LPAR3: variants seen among roughly 807,000 people sequenced by gnomAD.
LPAR3 encodes lysophosphatidic acid receptor 3, also known as LPA receptor 3.
Under a neutral mutation model 17.8 loss-of-function variants are expected in LPAR3, and 7 were observed. That is an observed-to-expected ratio of 0.39 (90% CI 0.22 to 0.74). The LOEUF (loss-of-function observed/expected upper bound fraction) is 0.74. Among genes scored for constraint, LPAR3 ranks in the 30% least tolerant of loss-of-function variants. The probability of loss-of-function intolerance (pLI) is 0.40; values close to 1 mark genes in which losing one functional copy is unlikely to be tolerated. For missense variants in LPAR3, 391 were observed against 453.4 expected, an observed-to-expected ratio of 0.86 and a Z score of 1.25; for synonymous variants, 179 against 179.9, an observed-to-expected ratio of 0.99 and a Z score of 0.04.
chr1:84,836,006 CTTTTTTT>C (rs34491570), intron 2 of LPAR3, among the ~76,000 whole-genome samples: 4 of 61,760 alleles, frequency 6.5e-5, no homozygotes, highest in East Asian at 1.1e-3. Context: ...CAACCCCGGC[CTTTTTTT>C]TTTTTTTTTT....
chr1:84,832,460 C>G (rs771421769), intron 2 of LPAR3, among the ~76,000 whole-genome samples: 1 of 151,996 alleles, frequency 6.6e-6, no homozygotes, highest in Non-Finnish European at 1.5e-5. Flanking sequence ...ATGGAATAGG[C>G]GAATGAGTCA....
intron 1 of LPAR3, among the ~76,000 whole-genome samples, chr1:84,879,278 A>C (rs1660316454): frequency 1.3e-5 from 2 of 148,880 alleles, no homozygotes; most frequent in Admixed American, 6.7e-5. Context: ...CAGACTGCTA[A>C]ATCACATTTT....
chr1:84,893,205 G>A lies in LPAR3; in HGVS notation c.-208C>T, dbSNP rs1486911430. The A allele has an allele frequency of 6.6e-6, 1 of 152,174 alleles. No individual in the cohort carries two copies. Among genetic ancestry groups the A allele is most frequent in the African/African-American group, 2.4e-5 (1 of 41,460 alleles). 9.4% of individuals were successfully genotyped at this position (152,174 alleles called of 1,614,324 possible). A position where few individuals can be genotyped will look rare whatever the true frequency, so the allele number is the denominator to read the frequency against. ...CCCCTGCGACGCGTCCAGAGCCAAA[G>A]GAAAGTTTGGCGGTGCGAGGGAGGG... On this transcript the variant is annotated 5_prime_UTR_variant, in exon 1 of 3. Transcript: ENST00000370611.
intron 2 of LPAR3, among the ~76,000 whole-genome samples, chr1:84,828,258 G>A (rs575399210): frequency 2.0e-5 from 3 of 152,096 alleles, no homozygotes; most frequent in African/African-American, 7.2e-5. Context: ...ACTGCATTTT[G>A]CTTTTTTATG....
intron 2 of LPAR3, among the ~76,000 whole-genome samples, chr1:84,861,925 C>A (rs1259518171): frequency 6.6e-6 from 1 of 152,118 alleles, no homozygotes; most frequent in Non-Finnish European, 1.5e-5. Flanking sequence ...TTCTTTTAAC[C>A]CCTTCCGTAA....
intron 1 of LPAR3, among the ~76,000 whole-genome samples, chr1:84,873,758 GTT>G (rs5775802): frequency 7.1e-6 from 1 of 141,454 alleles, no homozygotes. Flanking sequence ...TTGCTTGTTT[GTT>G]TTTTTTTTTT....
intron 2 of LPAR3, among the ~76,000 whole-genome samples, chr1:84,827,314 G>C (rs1659178040): frequency 6.6e-6 from 1 of 152,138 alleles, no homozygotes; most frequent in African/African-American, 2.4e-5. Flanking sequence ...ACTCTGGCTG[G>C]TCCCCATTGG....
intron 1 of LPAR3, among the ~76,000 whole-genome samples, chr1:84,869,184 T>C (rs61673198): frequency 0.018 from 2,804 of 152,318 alleles, 90 homozygotes; most frequent in African/African-American, 0.065. Flanking sequence ...TTTTTAATTA[T>C]ATCAAGCACT....
In LPAR3 at chr1:84,865,617, A is replaced by G; in HGVS notation, c.504T>C (p.Asn168=). 1 of 1,614,198 alleles carries G rather than the reference A, an allele frequency of 6.2e-7. No individual in the cohort carries two copies. Among genetic ancestry groups the G allele is most frequent in the Non-Finnish European group, 8.5e-7 (1 of 1,180,028 alleles). The change falls in exon 2 of 3, where the codon AAT becomes AAC. Residue 168 remains asparagine (N), a synonymous_variant. Coordinates refer to ENST00000370611, the MANE Select transcript of LPAR3 (RefSeq NM_012152.3). ...AGCAGGCAGAGATGTTGCAGAGGCA[A>G]TTCCAGCCCAGTGTGGGGACCGCCC... ...FMGAVPTLGW[N]CLCNISACSS... is the part of the protein sequence containing the mutation.
intron 2 of LPAR3, among the ~76,000 whole-genome samples, chr1:84,833,419 A>G (rs973302483): frequency 3.9e-5 from 6 of 152,334 alleles, no homozygotes; most frequent in Admixed American, 3.9e-4. Context: ...TCTGTAAAAC[A>G]GAGACAATAA....
At chr1:84,824,291 T>C (rs539519675) in intron 2 of LPAR3, among the ~76,000 whole-genome samples, 16 of 152,204 alleles carry the variant, frequency 1.1e-4, no homozygotes, top group Non-Finnish European at 1.9e-4. Flanking sequence ...CTGGAAGAAC[T>C]ATAGCATGGT....
chr1:84,814,981 G>C (rs1021411606), intron 2 of LPAR3, among the ~76,000 whole-genome samples: 1 of 152,056 alleles, frequency 6.6e-6, no homozygotes, highest in East Asian at 1.9e-4. Context: ...TTAAGACATG[G>C]GTCCACTATT....
At chr1:84,832,315 C>T (rs1029429699) in intron 2 of LPAR3, among the ~76,000 whole-genome samples, 1 of 152,182 alleles carries the variant, frequency 6.6e-6, no homozygotes, top group African/African-American at 2.4e-5. Flanking sequence ...TTATGAATCT[C>T]TGTAATAAGT....
At chr1:84,852,136 T>C (rs1489728220) in intron 2 of LPAR3, among the ~76,000 whole-genome samples, 1 of 151,436 alleles carries the variant, frequency 6.6e-6, no homozygotes, top group Non-Finnish European at 1.5e-5. Context: ...CTGCAACTTC[T>C]GCCTCCTGGG....
chr1:84,882,807 T>TA (rs565608791), intron 1 of LPAR3, among the ~76,000 whole-genome samples: 44 of 152,214 alleles, frequency 2.9e-4, no homozygotes, highest in Non-Finnish European at 8.8e-5. Flanking sequence ...CCCTAGAACT[T>TA]AAAGTATAAT....
At chr1:84,819,144 T>C (rs1353704290) in intron 2 of LPAR3, among the ~76,000 whole-genome samples, 2 of 152,238 alleles carry the variant, frequency 1.3e-5, no homozygotes, top group South Asian at 2.1e-4. Flanking sequence ...TTTGGAATTA[T>C]ACAATTTCAT....
At chr1:84,825,589 C>T (rs2102747100) in intron 2 of LPAR3, among the ~76,000 whole-genome samples, 1 of 152,320 alleles carries the variant, frequency 6.6e-6, no homozygotes, top group Non-Finnish European at 1.5e-5. Flanking sequence ...CACTGAACAT[C>T]CGCTCCTTCT....
chr1:84,849,371 T>TC (rs1553148111), intron 2 of LPAR3, among the ~76,000 whole-genome samples: 1 of 23,324 alleles, frequency 4.3e-5, no homozygotes, highest in Non-Finnish European at 8.4e-5. Context: ...GAGACTCATC[T>TC]CAAAAAAAAA....
At chr1:84,831,220 G>C (rs1659277066) in intron 2 of LPAR3, among the ~76,000 whole-genome samples, 1 of 150,500 alleles carries the variant, frequency 6.6e-6, no homozygotes, top group Admixed American at 6.6e-5. Context: ...GAACTGGTCT[G>C]TCTTTGGTTT....
Sources: allele counts gnomAD v4.1 joint callset (sites outside exome capture counted in the v4.1 genomes callset), GRCh38; gene constraint gnomAD v4.1.1; transcripts MANE v1.5; gene names NCBI Gene and HGNC (gene_info 2026-07-23, HGNC 2026-07-21).